The following HSD17B13 variants were observed in gnomAD, a reference collection of about 807,000 sequenced individuals.
HSD17B13 encodes hydroxysteroid 17-beta dehydrogenase 13, also known as 17-beta-hydroxysteroid dehydrogenase 13.
Under a neutral mutation model 31.1 loss-of-function variants are expected in HSD17B13, and 26 were observed. The ratio of observed to expected loss-of-function variants is 0.84; its 90% CI spans 0.61 to 1.16. The LOEUF (loss-of-function observed/expected upper bound fraction) is 1.16. Among genes scored for constraint, HSD17B13 ranks in the 50% most tolerant of loss-of-function variants. The pLI, the probability that HSD17B13 is intolerant of heterozygous loss-of-function variation, is 0.00. For missense variants in HSD17B13, 374 were observed against 366.5 expected, an observed-to-expected ratio of 1.02 and a Z score of -0.17; for synonymous variants, 141 against 133.7, an observed-to-expected ratio of 1.05 and a Z score of -0.38.
intron 6 of HSD17B13, among the ~76,000 whole-genome samples, chr4:87,308,492 A>AT (rs1734442437): frequency 1.8e-5 from 1 of 55,898 alleles, no homozygotes; most frequent in Non-Finnish European, 3.2e-5. Context: ...TACTAAAAAA[A>AT]AAAAAAAAAA....
At chr4:87,318,572 G>C (rs1734712518) in intron 1 of HSD17B13, 136 bp from the exon 2 acceptor site, 1 of 645,426 alleles carries the variant, frequency 1.5e-6, no homozygotes, top group Admixed American at 2.2e-5. Flanking sequence ...GGCCGAGGAG[G>C]GCGGATCACG....
At chr4:87,312,991 C>T (rs1327071990) in intron 5 of HSD17B13, among the ~76,000 whole-genome samples, 5 of 151,476 alleles carry the variant, frequency 3.3e-5, no homozygotes, top group Admixed American at 6.6e-5. Flanking sequence ...CCCAGAAAGG[C>T]GGAGGTTGCG....
chr4:87,319,458 G>GAGA (rs1207190614), intron 1 of HSD17B13, among the ~76,000 whole-genome samples: 1 of 152,210 alleles, frequency 6.6e-6, no homozygotes, highest in Non-Finnish European at 1.5e-5. Context: ...GATGAATATG[G>GAGA]AGAAGAAAGA....
intron 5 of HSD17B13, 70 bp from the exon 6 acceptor site, chr4:87,310,429 G>A: frequency 8.0e-7 from 1 of 1,257,366 alleles, no homozygotes; most frequent in Non-Finnish European, 1.0e-6. Flanking sequence ...AATGATGGCA[G>A]GAAAATTATC....
chr4:87,307,798 G>A (rs1490634006), intron 6 of HSD17B13, among the ~76,000 whole-genome samples: 2 of 152,122 alleles, frequency 1.3e-5, no homozygotes, highest in Non-Finnish European at 2.9e-5. Context: ...ACCACACCCG[G>A]CCTAGTCAAC....
At chr4:87,317,563 C>CTTTTTTTTTTTTCTTTTTTTTTTTT (rs1734681328) in intron 2 of HSD17B13, among the ~76,000 whole-genome samples, 1 of 49,714 alleles carries the variant, frequency 2.0e-5, no homozygotes, top group African/African-American at 8.4e-5. Context: ...TTTCTTTAAA[C>CTTTTTTTTTTTTCTTTTTTTTTTTT]TTTTTTTTTT....
At chr4:87,319,300 CAAACA>C (rs59346205) in intron 1 of HSD17B13, among the ~76,000 whole-genome samples, 8 of 152,094 alleles carry the variant, frequency 5.3e-5, no homozygotes, top group African/African-American at 1.7e-4. Context: ...AAAACCAAAA[CAAACA>C]AAACAAAACA....
chr4:87,314,519 C>T (rs1482894699), intron 4 of HSD17B13, among the ~76,000 whole-genome samples: 3 of 152,130 alleles, frequency 2.0e-5, no homozygotes, highest in African/African-American at 7.2e-5. Context: ...GGATATTTGG[C>T]AAATACAGCA....
intron 6 of HSD17B13, among the ~76,000 whole-genome samples, chr4:87,308,947 T>C (rs907392133): frequency 3.4e-5 from 3 of 87,808 alleles, no homozygotes; most frequent in African/African-American, 4.4e-5. Context: ...AAAAAAAAGC[T>C]TATCGAGTTT....
At position 87,317,164 on chromosome 4, in the gene HSD17B13, T is replaced by G; in HGVS notation, c.378A>C (p.Pro126=). The G allele has an allele frequency of 6.2e-7, 1 of 1,614,014 alleles. No individual in the cohort carries two copies. The highest frequency in any genetic ancestry group is 8.5e-7 in the Non-Finnish European group (1 of 1,179,854). ...IVVNNAGTVY[P]ADLLSTKDEE... Reference sequence around the variant, plus strand: ...CATCCTTGGTGCTGAGAAGATCGGCTGGATATACTGTCCCAGCATTATTCA... The same window carrying G: ...CATCCTTGGTGCTGAGAAGATCGGCGGGATATACTGTCCCAGCATTATTCA... Residue 126 remains proline, a synonymous_variant, in exon 3 of 7, where the codon CCA becomes CCC. Transcript: ENST00000328546.
intron 4 of HSD17B13, 35 bp downstream of exon 4, chr4:87,315,458 A>T: frequency 7.7e-7 from 1 of 1,297,522 alleles, no homozygotes; most frequent in Non-Finnish European, 1.1e-6. Flanking sequence ...TTCAAAGTAT[A>T]AAAATATATA....
intron 2 of HSD17B13, among the ~76,000 whole-genome samples, chr4:87,317,752 A>G (rs1473137965): frequency 6.6e-6 from 1 of 151,632 alleles, no homozygotes; most frequent in Non-Finnish European, 1.5e-5. Flanking sequence ...CCTAATAACT[A>G]CATGACCTGG....
chr4:87,309,845 A>G (rs983593679), intron 6 of HSD17B13, among the ~76,000 whole-genome samples: 7 of 152,246 alleles, frequency 4.6e-5, no homozygotes, highest in African/African-American at 1.7e-4. Flanking sequence ...AATTTTCACA[A>G]CTGAAAGATG....
At chr4:87,316,882 T>C (rs1283492387) in intron 3 of HSD17B13, among the ~76,000 whole-genome samples, 1 of 152,204 alleles carries the variant, frequency 6.6e-6, no homozygotes, top group Non-Finnish European at 1.5e-5. Context: ...ACAGACCAAG[T>C]AGCTTACATT....
In HSD17B13 at chr4:87,305,279, A is replaced by T; in HGVS notation, c.842T>A (p.Leu281Ter). ...AAATTGAATATTCTGCATACGATTT[A>T]AAATCGCTGAGGCGCGTTCAGGAAG... ...KFLPERASAI[L>*]NRMQNIQFEA... Residue 281 changes from leucine (L) to a stop codon, truncating the protein, a stop_gained, in exon 7 of 7, where the codon TTA (leucine) becomes TAA (stop). Coordinates refer to ENST00000328546, the MANE Select transcript of HSD17B13 (RefSeq NM_178135.5). LOFTEE classifies it high-confidence loss of function. 1 of 1,607,186 alleles carries T rather than the reference A, an allele frequency of 6.2e-7. No individual in the cohort carries two copies.
At chr4:87,308,976 A>G (rs1259649995) in intron 6 of HSD17B13, among the ~76,000 whole-genome samples, 1 of 150,912 alleles carries the variant, frequency 6.6e-6, no homozygotes, top group Non-Finnish European at 1.5e-5. Context: ...GAGGTTTAGC[A>G]ATTTAGCAAG....
chr4:87,310,199 C>T (rs1734497915), intron 6 of HSD17B13, 44 bp downstream of exon 6: 2 of 1,441,646 alleles, frequency 1.4e-6, no homozygotes, highest in Admixed American at 2.8e-5. Context: ...AAAAAAAAAG[C>T]TCTATTGGTG....
intron 6 of HSD17B13, 39 bp from the exon 7 acceptor site, chr4:87,305,347 T>G: frequency 7.3e-7 from 1 of 1,372,980 alleles, no homozygotes. Flanking sequence ...AATTTTCCAT[T>G]TAAAATCTTT....
intron 1 of HSD17B13, among the ~76,000 whole-genome samples, chr4:87,320,382 GTTT>G (rs66590696): frequency 0.024 from 2,420 of 101,270 alleles, 33 homozygotes; most frequent in African/African-American, 0.08. Flanking sequence ...TTATTCTTCA[GTTT>G]TTTTTTTTTT....
Sources: gnomAD v4.1 joint callset for allele counts (sites outside exome capture counted in the v4.1 genomes callset) on GRCh38, gnomAD v4.1.1 for gene constraint, MANE v1.5 for transcripts, NCBI Gene and HGNC (gene_info 2026-07-23, HGNC 2026-07-21) for gene names.